Variants in FAM72A observed in about 807,000 individuals in gnomAD.
FAM72A encodes regulator of UNG2 and MKLN1 interacting yippee protein 1.
In FAM72A, 1 loss-of-function variant was observed where a neutral mutation model predicts 11.3. The ratio of observed to expected loss-of-function variants is 0.09; its 90% confidence interval spans 0.03 to 0.42. The LOEUF (loss-of-function observed/expected upper bound fraction) is 0.42. FAM72A is among the 10% of genes least tolerant of loss of function. The probability of loss-of-function intolerance (pLI) is 0.98; values close to 1 mark genes in which losing one functional copy is unlikely to be tolerated. For synonymous variants in FAM72A, 5 were observed against 46.9 expected, an observed-to-expected ratio of 0.11 and a Z score of 3.65; for missense variants, 15 against 135.5, an observed-to-expected ratio of 0.11 and a Z score of 4.41.
At chr1:206,204,916 C>CA (rs1377905199), upstream of FAM72A, 1 of 139,914 alleles carries the variant, frequency 7.1e-6, no homozygotes, top group Non-Finnish European at 1.5e-5. Context: ...TGCCCCCCCC[C>CA]CCATCAACAT....
intron 2 of FAM72A, among the ~76,000 whole-genome samples, chr1:206,197,862 C>T (rs1302612490): frequency 1.2e-4 from 18 of 150,896 alleles, no homozygotes; most frequent in Admixed American, 5.9e-4. Context: ...TGCAGTGAGC[C>T]GAGATCATGC....
upstream of FAM72A, chr1:206,203,827 A>G (rs547520569): frequency 3.6e-4 from 547 of 1,526,262 alleles, 2 homozygotes; most frequent in African/African-American, 6.8e-3. Flanking sequence ...CAAATCTCCC[A>G]GTACAGCCCA....
At chr1:206,198,905 A>T (rs1665214876) in intron 2 of FAM72A, among the ~76,000 whole-genome samples, 1 of 133,828 alleles carries the variant, frequency 7.5e-6, no homozygotes, top group African/African-American at 2.9e-5. Context: ...TCCTGTCTCT[A>T]CTAAAAAAAA....
chr1:206,191,836 T>A (rs1428088521), intron 3 of FAM72A, among the ~76,000 whole-genome samples: 1 of 150,674 alleles, frequency 6.6e-6, no homozygotes, highest in Non-Finnish European at 1.5e-5. Flanking sequence ...CAAGGGGGGT[T>A]TCATCATATT....
chr1:206,198,869 A>G (rs1553298736), intron 2 of FAM72A, among the ~76,000 whole-genome samples: 2 of 140,398 alleles, frequency 1.4e-5, no homozygotes, highest in African/African-American at 5.2e-5. Flanking sequence ...TGGGAGTTCA[A>G]GAGCAGCCTG....
chr1:206,200,891 AG>A (rs1236022114), intron 1 of FAM72A, among the ~76,000 whole-genome samples: 1 of 102,494 alleles, frequency 9.8e-6, no homozygotes, highest in Non-Finnish European at 1.9e-5. Context: ...AAGAGTACAC[AG>A]CTTTACCTGG....
chr1:206,204,906 T>TGCC (rs1665751561), upstream of FAM72A: 1 of 113,628 alleles, frequency 8.8e-6, no homozygotes, highest in African/African-American at 5.4e-5. Flanking sequence ...CCTGCAGATT[T>TGCC]GCCCCCCCCC....
In FAM72A at chr1:206,186,952, CT is replaced by C. The variant is rs1264918015; in HGVS notation, c.*326del. The C allele has an allele frequency of 4.5e-6, 1 of 222,620 alleles. No homozygotes were observed. The highest frequency in any genetic ancestry group is 2.4e-5 in the African/African-American group (1 of 42,364). The allele number at this position is 222,620 out of a possible 1,614,324, so 13.8% of individuals were successfully genotyped here. A position where few individuals can be genotyped will look rare whatever the true frequency, so the allele number is the denominator to read the frequency against. ...TTCAGGAATGTAAAATTAATGGTAT[CT>C]GGTATCAAGTTGTAAGAAAAACTCC... On this transcript the variant is annotated 3_prime_UTR_variant, in exon 4 of 4. Transcript: ENST00000367128.
At chr1:206,189,370 T>A in intron 3 of FAM72A, among the ~76,000 whole-genome samples, 1 of 148,480 alleles carries the variant, frequency 6.7e-6, no homozygotes, top group East Asian at 2.1e-4. Context: ...TTAGCATGTA[T>A]CTGATGCTGG....
chr1:206,191,724 ATTTTT>A (rs1190560887), intron 3 of FAM72A, among the ~76,000 whole-genome samples: 1 of 103,690 alleles, frequency 9.6e-6, no homozygotes, highest in Non-Finnish European at 1.8e-5. Context: ...CTAAAATATT[ATTTTT>A]TTTTTTTTTT....
intron 2 of FAM72A, among the ~76,000 whole-genome samples, chr1:206,198,081 G>A (rs1355140043): frequency 1.3e-5 from 2 of 150,998 alleles, no homozygotes; most frequent in African/African-American, 4.9e-5. Context: ...TTAGCTGGGT[G>A]GGCTGGGTGC....
At chr1:206,198,390 A>G (rs1665184705) in intron 2 of FAM72A, among the ~76,000 whole-genome samples, 2 of 151,180 alleles carry the variant, frequency 1.3e-5, no homozygotes, top group Admixed American at 6.6e-5. Flanking sequence ...AAAGAAGAAA[A>G]TAATGTCCAA....
chr1:206,187,541 T>A, intron 3 of FAM72A, among the ~76,000 whole-genome samples, 168 bp from the exon 4 acceptor site: 1 of 151,906 alleles, frequency 6.6e-6, no homozygotes, highest in Admixed American at 6.6e-5. Flanking sequence ...ATATTATCCA[T>A]CTAGGACATA....
At position 206,187,383 on chromosome 1, in the gene FAM72A, A is replaced by G; in HGVS notation, c.356-10T>C. 1.9e-6 allele frequency: 3 copies of G among 1,611,160 alleles called. No individual in the cohort carries two copies. Among genetic ancestry groups the G allele is most frequent in the Non-Finnish European group, 2.5e-6 (3 of 1,179,520 alleles). On this transcript the variant is annotated splice_polypyrimidine_tract_variant and intron_variant, in intron 3 of 3. Coordinates refer to ENST00000367128, the MANE Select transcript of FAM72A (RefSeq NM_001123168.3). ...AGTAGGACGTTTACACCTGAAAATA[A>G]AAAGTCATAAAATTCTTTAATGCTT...
At chr1:206,187,734 T>C (rs1171383633) in intron 3 of FAM72A, among the ~76,000 whole-genome samples, 1 of 151,458 alleles carries the variant, frequency 6.6e-6, no homozygotes, top group Non-Finnish European at 1.5e-5. Context: ...ATGGCTAATT[T>C]TATTTTGTAG....
intron 3 of FAM72A, 91 bp from the exon 4 acceptor site, chr1:206,187,464 T>C (rs1553297034): frequency 3.0e-6 from 4 of 1,330,348 alleles, no homozygotes; most frequent in Non-Finnish European, 4.2e-6. Context: ...AATATTCTTA[T>C]GTAAACCATA....
At chr1:206,190,643 G>A (rs1553297419) in intron 3 of FAM72A, among the ~76,000 whole-genome samples, 6 of 128,060 alleles carry the variant, frequency 4.7e-5, no homozygotes, top group Non-Finnish European at 6.4e-5. Context: ...GCCAAGGTGG[G>A]CAGATCACTT....
chr1:206,204,878 G>T (rs556106532), upstream of FAM72A: 5 of 129,818 alleles, frequency 3.9e-5, no homozygotes, highest in East Asian at 4.3e-4. Context: ...GATGTGTCCC[G>T]TGCCGAGCAG....
intron 3 of FAM72A, among the ~76,000 whole-genome samples, chr1:206,193,133 G>A (rs1297665525): frequency 3.6e-4 from 55 of 151,082 alleles, no homozygotes; most frequent in Non-Finnish European, 6.5e-4. Flanking sequence ...GGCTGGTCTC[G>A]AACTCCCAAC....
Sources: allele counts gnomAD v4.1 joint callset (sites outside exome capture counted in the v4.1 genomes callset), GRCh38; gene constraint gnomAD v4.1.1; transcripts MANE v1.5; gene names NCBI Gene and HGNC (gene_info 2026-07-23, HGNC 2026-07-21).